TBL1X: variants seen among roughly 807,000 people sequenced by gnomAD.
TBL1X encodes F-box-like/WD repeat-containing protein TBL1X.
Under a neutral mutation model 50.7 loss-of-function variants are expected in TBL1X, and 10 were observed. That is an observed-to-expected ratio of 0.20 (90% CI 0.12 to 0.33). The LOEUF (loss-of-function observed/expected upper bound fraction) is 0.33, where lower values mean the gene tolerates loss of function less well. Among genes scored for constraint, TBL1X ranks in the 10% least tolerant of loss-of-function variants. TBL1X has a pLI of 1.00. For synonymous variants in TBL1X, 190 were observed against 214.7 expected (o/e 0.88, Z 1.01); for missense variants, 340 against 504.4 (o/e 0.67, Z 3.12).
intron 13 of TBL1X, among the ~76,000 whole-genome samples, chrX:9,708,429 G>C (rs916825788): frequency 8.9e-6 from 1 of 111,840 alleles, no homozygotes; most frequent in African/African-American, 3.3e-5. Flanking sequence ...GTGTGCATTT[G>C]GGTCGCCCAT....
intron 2 of TBL1X, among the ~76,000 whole-genome samples, chrX:9,526,475 G>A (rs1216093316): frequency 8.9e-6 from 1 of 111,737 alleles, no homozygotes; most frequent in African/African-American, 3.3e-5. Context: ...TCCTTTCGGA[G>A]AAGTGGAGGT....
At chrX:9,486,951 C>T (rs1057444691) in intron 1 of TBL1X, among the ~76,000 whole-genome samples, 1 of 111,735 alleles carries the variant, frequency 8.9e-6, no homozygotes, top group Non-Finnish European at 1.9e-5. Context: ...CTCCGGTCAC[C>T]GCTTCTTATC....
At position 9,688,147 on chromosome X, in the gene TBL1X, C is replaced by T. The variant is rs1236755685; in HGVS notation, c.488C>T (p.Ala163Val). ...GCTCAGCAGCAAGCCAGTGCGGCGG[C>T]GGCGGCGGCTGCGGCCACGGCAGCA... ...KLAQQQASAA[A>V]AAAAATAAAT... Residue 163 changes from alanine to valine, a missense_variant, in exon 7 of 18, where the codon GCG (alanine) becomes GTG (valine). Around this residue, in one of 6 missense-constraint regions of TBL1X, gnomAD observed 99 missense variants for 93.3 expected, o/e 1.06. Coordinates refer to ENST00000645353, the MANE Select transcript of TBL1X (RefSeq NM_005647.4). The T allele has an allele frequency of 9.2e-6, 11 of 1,198,766 alleles. No individual in the cohort carries two copies. Among genetic ancestry groups the T allele is most frequent in the African/African-American group, 5.3e-5 (3 of 56,937 alleles).
At chrX:9,634,179 G>A (rs1200183754) in intron 2 of TBL1X, among the ~76,000 whole-genome samples, 2 of 111,437 alleles carry the variant, frequency 1.8e-5, no homozygotes, top group Non-Finnish European at 3.8e-5. Context: ...CAAATGAAAA[G>A]GCGGCAGAAC....
At chrX:9,523,509 C>G (rs944545548) in intron 2 of TBL1X, among the ~76,000 whole-genome samples, 9 of 112,301 alleles carry the variant, frequency 8.0e-5, no homozygotes, top group African/African-American at 2.6e-4. Flanking sequence ...CACCCCAGGC[C>G]ACACTGGGCC....
intron 5 of TBL1X, among the ~76,000 whole-genome samples, chrX:9,668,560 C>T (rs1256829761): frequency 1.8e-5 from 2 of 112,073 alleles, no homozygotes; most frequent in African/African-American, 6.5e-5. Context: ...TTTTTCTCTA[C>T]CTGATTTCTG....
chrX:9,637,842 T>G (rs1299038681), intron 2 of TBL1X: 1 of 111,456 alleles, frequency 9.0e-6, no homozygotes, highest in Non-Finnish European at 1.9e-5. Flanking sequence ...CCACAAGTTG[T>G]GCACATCCTT....
At chrX:9,528,909 A>G (rs2082146093) in intron 2 of TBL1X, among the ~76,000 whole-genome samples, 1 of 109,753 alleles carries the variant, frequency 9.1e-6, no homozygotes, top group Admixed American at 9.7e-5. Flanking sequence ...AGATGGGGGG[A>G]AGCCCTGAAC....
At chrX:9,540,897 G>A (rs749074412) in intron 2 of TBL1X, among the ~76,000 whole-genome samples, 9 of 111,799 alleles carry the variant, frequency 8.1e-5, no homozygotes, top group Non-Finnish European at 1.7e-4. Context: ...GTTGTAAAAT[G>A]CTTTTTCTGT....
intron 2 of TBL1X, among the ~76,000 whole-genome samples, chrX:9,621,402 C>T (rs2082666161): frequency 8.9e-6 from 1 of 112,009 alleles, no homozygotes; most frequent in Admixed American, 9.4e-5. Flanking sequence ...TATAGGGAAC[C>T]AGCCATCTGG....
intron 1 of TBL1X, among the ~76,000 whole-genome samples, chrX:9,473,596 G>A (rs1034885867): frequency 8.9e-6 from 1 of 112,088 alleles, no homozygotes; most frequent in Non-Finnish European, 1.9e-5. Context: ...TTTCTTATTG[G>A]AACAGTGTTT....
intron 2 of TBL1X, among the ~76,000 whole-genome samples, chrX:9,555,635 T>G (rs766060234): frequency 9.0e-6 from 1 of 111,694 alleles, no homozygotes; most frequent in South Asian, 3.7e-4. Flanking sequence ...CTTTCTATAG[T>G]GGCTGCAGCA....
intron 1 of TBL1X, among the ~76,000 whole-genome samples, chrX:9,489,891 T>C (rs2081931987): frequency 8.9e-6 from 1 of 111,795 alleles, no homozygotes; most frequent in African/African-American, 3.3e-5. Context: ...TGGAAGAGAC[T>C]GTGGATACAT....
intron 2 of TBL1X, among the ~76,000 whole-genome samples, chrX:9,531,599 G>A (rs1002972815): frequency 2.7e-5 from 3 of 110,825 alleles, no homozygotes; most frequent in African/African-American, 6.6e-5. Context: ...AAGCATCTCC[G>A]CTTATTTAAG....
chrX:9,530,789 T>G (rs758172347), intron 2 of TBL1X, among the ~76,000 whole-genome samples: 1 of 112,325 alleles, frequency 8.9e-6, no homozygotes, highest in South Asian at 3.7e-4. Flanking sequence ...CTGGATTTTT[T>G]CCCGAGAATA....
chrX:9,676,341 A>G (rs2082994083), intron 5 of TBL1X, among the ~76,000 whole-genome samples: 1 of 111,867 alleles, frequency 8.9e-6, no homozygotes, highest in Admixed American at 9.4e-5. Flanking sequence ...GGCCCGTCCA[A>G]GGTTGTCTCG....
intron 2 of TBL1X, among the ~76,000 whole-genome samples, chrX:9,544,562 A>G (rs1270624128): frequency 3.6e-5 from 4 of 109,741 alleles, no homozygotes; most frequent in Non-Finnish European, 5.7e-5. Context: ...CTCAATGTTT[A>G]TTTATTTTTA....
intron 2 of TBL1X, among the ~76,000 whole-genome samples, chrX:9,509,430 C>T (rs1178255358): frequency 9.9e-6 from 1 of 100,584 alleles, no homozygotes; most frequent in Non-Finnish European, 2.0e-5. Context: ...TGAAGTCAGA[C>T]ACATGGGTAG....
chrX:9,485,995 A>G (rs1310103295), intron 1 of TBL1X, among the ~76,000 whole-genome samples: 1 of 111,058 alleles, frequency 9.0e-6, no homozygotes, highest in Non-Finnish European at 1.9e-5. Flanking sequence ...GGCACTCCAT[A>G]GTTAACCTGA....
Sources: gnomAD v4.1 joint callset for allele counts (sites outside exome capture counted in the v4.1 genomes callset) on GRCh38, gnomAD v4.1.1 for gene constraint, gnomAD v4.1.1 regional missense constraint, MANE v1.5 for transcripts, NCBI Gene and HGNC (gene_info 2026-07-23, HGNC 2026-07-21) for gene names.